Variants in RIMS2 observed in about 807,000 individuals in gnomAD.
RIMS2 encodes regulating synaptic membrane exocytosis 2.
Under a neutral mutation model 174.4 loss-of-function variants are expected in RIMS2, and 59 were observed. That is an observed-to-expected ratio of 0.34 (90% confidence interval 0.27 to 0.42). RIMS2 has a LOEUF of 0.42. Among genes scored for constraint, RIMS2 ranks in the 10% least tolerant of loss-of-function variants. The pLI, the probability that RIMS2 is intolerant of heterozygous loss-of-function variation, is 1.00. For synonymous variants in RIMS2, 606 were observed against 572.5 expected (o/e 1.06, Z -0.84); for missense variants, 1,620 against 1,666.3 (o/e 0.97, Z 0.48).
intron 19 of RIMS2, among the ~76,000 whole-genome samples, chr8:104,239,770 A>T (rs1007986988): frequency 6.6e-6 from 1 of 152,182 alleles, no homozygotes; most frequent in Non-Finnish European, 1.5e-5. Flanking sequence ...GCTGAAAACA[A>T]CACCCATTTA....
chr8:104,211,023 G>A (rs79615898), intron 19 of RIMS2, among the ~76,000 whole-genome samples: 2 of 152,012 alleles, frequency 1.3e-5, no homozygotes, highest in Non-Finnish European at 2.9e-5. Flanking sequence ...TTCAGCTGAG[G>A]ACCTAGATTT....
chr8:103,512,417 A>G (rs562993433), intron 1 of RIMS2, among the ~76,000 whole-genome samples: 2 of 152,234 alleles, frequency 1.3e-5, no homozygotes, highest in East Asian at 1.9e-4. Flanking sequence ...TTTTGGCGTT[A>G]TATGTTTCTC....
chr8:104,162,082 T>C (rs992366495), intron 19 of RIMS2, among the ~76,000 whole-genome samples: 1 of 152,178 alleles, frequency 6.6e-6, no homozygotes, highest in East Asian at 1.9e-4. Context: ...ATTACCTTAA[T>C]TACATTTGAA....
intron 3 of RIMS2, among the ~76,000 whole-genome samples, chr8:103,848,983 A>G (rs2098982830): frequency 6.6e-6 from 1 of 152,062 alleles, no homozygotes; most frequent in Non-Finnish European, 1.5e-5. Context: ...TGACCTTGTC[A>G]TTCTTAATTT....
chr8:103,885,858 G>C (rs753094730), exon 4 of RIMS2: 1 of 1,612,894 alleles, frequency 6.2e-7, no homozygotes, highest in Non-Finnish European at 8.5e-7. Context: ...GAGGCTCAGG[G>C]ACCAAGTTCT....
intron 19 of RIMS2, among the ~76,000 whole-genome samples, chr8:104,040,213 A>G (rs1414239185): frequency 4.0e-5 from 6 of 151,708 alleles, no homozygotes; most frequent in Non-Finnish European, 5.9e-5. Context: ...ATGCTTTGCT[A>G]TATAAGTCAA....
intron 6 of RIMS2, 47 bp from the exon 10 acceptor site, chr8:103,915,448 C>G (rs745664767): frequency 8.8e-7 from 1 of 1,134,190 alleles, no homozygotes; most frequent in Non-Finnish European, 1.3e-6. Context: ...TTCAACCATG[C>G]TCATTTTAAC....
intron 19 of RIMS2, chr8:104,223,845 G>A: frequency 2.0e-6 from 3 of 1,487,024 alleles, no homozygotes; most frequent in Non-Finnish European, 2.8e-6. Flanking sequence ...TAGAAAGTCG[G>A]TGGCTGGAGG....
At chr8:104,207,180 A>G in intron 19 of RIMS2, among the ~76,000 whole-genome samples, 1 of 152,204 alleles carries the variant, frequency 6.6e-6, no homozygotes. Flanking sequence ...TCTTGTTTTA[A>G]GATGACTAAT....
intron 16 of RIMS2, among the ~76,000 whole-genome samples, chr8:103,981,919 T>C (rs1304794777): frequency 1.3e-5 from 2 of 152,102 alleles, no homozygotes; most frequent in African/African-American, 2.4e-5. Flanking sequence ...CTAAGAGTTA[T>C]TGGCTTTAAG....
intron 1 of RIMS2, among the ~76,000 whole-genome samples, chr8:103,592,077 G>C (rs527673211): frequency 6.6e-6 from 1 of 151,228 alleles, no homozygotes; most frequent in South Asian, 2.1e-4. Flanking sequence ...CAGAATCTTA[G>C]GACATGTTGC....
At chr8:103,500,873 C>A (rs1328833553) in exon 1 of RIMS2, 3 of 1,572,796 alleles carry the variant, frequency 1.9e-6, no homozygotes, top group African/African-American at 2.8e-5. Context: ...TAGGGTGGTT[C>A]GGCTCCACCA....
chr8:103,511,860 A>G (rs1009195843), intron 1 of RIMS2, among the ~76,000 whole-genome samples: 2 of 152,186 alleles, frequency 1.3e-5, no homozygotes, highest in African/African-American at 4.8e-5. Context: ...TAGAGTACCT[A>G]TGACAGAAAC....
At chr8:103,734,176 C>G (rs866699805) in intron 2 of RIMS2, among the ~76,000 whole-genome samples, 2 of 151,710 alleles carry the variant, frequency 1.3e-5, no homozygotes, top group Admixed American at 6.6e-5. Context: ...CCACACCCAG[C>G]TAATTTTTGT....
chr8:103,989,312 G>A (rs1307993421), exon 17 of RIMS2: 2 of 1,596,662 alleles, frequency 1.3e-6, no homozygotes, highest in Non-Finnish European at 1.7e-6. Flanking sequence ...TAGTCGGAAT[G>A]TGGAACAGGG....
intron 19 of RIMS2, among the ~76,000 whole-genome samples, chr8:104,170,176 G>A (rs766772746): frequency 1.3e-5 from 2 of 152,026 alleles, no homozygotes; most frequent in African/African-American, 2.4e-5. Context: ...TATCTGTTAA[G>A]TTCGTTTGTT....
intron 1 of RIMS2, among the ~76,000 whole-genome samples, chr8:103,671,349 C>T (rs145795205): frequency 9.3e-4 from 141 of 152,308 alleles, no homozygotes; most frequent in African/African-American, 3.3e-3. Flanking sequence ...TCGAATAGCA[C>T]ATCTTAATAA....
chr8:104,223,704 G>T (rs1221104209), intron 19 of RIMS2: 20 of 1,592,046 alleles, frequency 1.3e-5, no homozygotes, highest in African/African-American at 1.3e-5. Context: ...TCCATGCAGC[G>T]CTCCCAGAGC....
In RIMS2 at chr8:103,637,956, A is replaced by G. The variant is rs796148371; in HGVS notation, c.177-59130A>G. Among the ~76,000 whole-genome samples, 5 of 152,028 alleles carry G rather than the reference A, an allele frequency of 3.3e-5. No individual in the cohort carries two copies. In the East Asian group the frequency reaches 5.8e-4, roughly 18 times the overall value. Reference sequence around the variant, plus strand: ...AGAAAAAGAGTGTTCCCTAATTTCAATTTTTGTAGACGTTCCTCAGTTTGG... The same window carrying G: ...AGAAAAAGAGTGTTCCCTAATTTCAGTTTTTGTAGACGTTCCTCAGTTTGG... On this transcript the variant is annotated intron_variant, in intron 1 of 23. Transcript: ENST00000504942.
Sources: allele counts gnomAD v4.1 joint callset (sites outside exome capture counted in the v4.1 genomes callset), GRCh38; gene constraint gnomAD v4.1.1; transcripts MANE v1.5; gene names NCBI Gene and HGNC (gene_info 2026-07-23, HGNC 2026-07-21).